The following SEMA3D variants were observed in gnomAD, a reference collection of about 807,000 sequenced individuals.
SEMA3D encodes the protein semaphorin-3D.
SEMA3D carries 84 observed loss-of-function variants against 100.1 expected under a neutral mutation model. The ratio of observed to expected loss-of-function variants is 0.84; its 90% CI spans 0.70 to 1.01. SEMA3D has a LOEUF of 1.01. Among genes scored for constraint, SEMA3D ranks in the 50% least tolerant of loss-of-function variants. The pLI is 0.00. For synonymous variants in SEMA3D, 312 were observed against 320.7 expected (o/e 0.97, Z 0.29); for missense variants, 875 against 934.1 (o/e 0.94, Z 0.82).
rs148407641 is a variant in SEMA3D, at chr7:85,022,405, A to G, written c.1400T>C (p.Met467Thr). 2 of 1,611,082 alleles carry G rather than the reference A, an allele frequency of 1.2e-6. No individual in the cohort carries two copies. Among genetic ancestry groups the G allele is most frequent in the African/African-American group, 2.7e-5 (2 of 74,774 alleles). ...VIAEDGQYDV[M>T]FLGTDIGTVL... is the part of the protein sequence containing the mutation. Reference sequence around the variant, plus strand: ...TTTTAGCTTACCTGTTCCAAGAAACATTACATCGTACTGGCCATCTTCTGC... The same window carrying G: ...TTTTAGCTTACCTGTTCCAAGAAACGTTACATCGTACTGGCCATCTTCTGC... Residue 467 changes from methionine (M) to threonine (T), a missense_variant, in exon 13 of 19, where the codon ATG becomes ACG. Met to Thr is a moderately conservative substitution (Grantham distance 81). Coordinates refer to ENST00000284136, the MANE Select transcript of SEMA3D (RefSeq NM_001384900.1).
At chr7:85,242,201 A>ATTATTTATTATTTAT in the SEMA3D span, among the ~76,000 whole-genome samples, 39 of 152,146 alleles carry the variant, frequency 2.6e-4, no homozygotes, top group Admixed American at 2.3e-3. Context: ...TTTATTATTT[A>ATTATTTATTATTTAT]TCTTCTTCGG....
chr7:85,129,921 ACT>A (rs746520011), intron 2 of SEMA3D, among the ~76,000 whole-genome samples: 5 of 152,138 alleles, frequency 3.3e-5, no homozygotes, highest in Non-Finnish European at 7.4e-5. Context: ...GAACACATGT[ACT>A]GTTAAGATCA....
the SEMA3D span, among the ~76,000 whole-genome samples, chr7:85,240,620 C>T: frequency 9.9e-5 from 15 of 152,182 alleles, no homozygotes; most frequent in Admixed American, 3.3e-4. Context: ...ATATCTGGGC[C>T]TGGTGTTTCC....
intron 18 of SEMA3D, among the ~76,000 whole-genome samples, chr7:85,004,593 C>T (rs1052838972): frequency 1.6e-4 from 24 of 152,178 alleles, no homozygotes; most frequent in African/African-American, 5.5e-4. Context: ...AGGAAATGTT[C>T]TCCTCCTGGC....
intron 1 of SEMA3D, among the ~76,000 whole-genome samples, chr7:85,168,820 T>G (rs201644332): frequency 8.3e-6 from 1 of 121,070 alleles, no homozygotes; most frequent in African/African-American, 3.0e-5. Flanking sequence ...GAAAGAAAGA[T>G]GAAAGAAAGA....
chr7:85,226,996 A>G, the SEMA3D span, among the ~76,000 whole-genome samples: 2 of 152,196 alleles, frequency 1.3e-5, no homozygotes, highest in Non-Finnish European at 2.9e-5. Flanking sequence ...GTGCTTTCAA[A>G]TAAAAATAAG....
chr7:85,103,404 T>C (rs768148509), intron 3 of SEMA3D, among the ~76,000 whole-genome samples: 1 of 152,090 alleles, frequency 6.6e-6, no homozygotes, highest in Non-Finnish European at 1.5e-5. Context: ...ATTTTTGAGA[T>C]TGTCCATAGT....
chr7:85,212,591 C>T, the SEMA3D span, among the ~76,000 whole-genome samples: 14 of 151,680 alleles, frequency 9.2e-5, no homozygotes, highest in Admixed American at 2.6e-4. Flanking sequence ...GTGTGTGTTG[C>T]GTGTTTGTAT....
the SEMA3D span, among the ~76,000 whole-genome samples, chr7:85,238,620 A>G: frequency 9.9e-5 from 15 of 152,192 alleles, no homozygotes; most frequent in Non-Finnish European, 2.1e-4. Flanking sequence ...TCTGGAAGTC[A>G]AGTAGTGTCA....
At chr7:85,027,933 CG>C in intron 12 of SEMA3D, 1 of 587,370 alleles carries the variant, frequency 1.7e-6, no homozygotes. Flanking sequence ...TCAGGGAAAC[CG>C]AACCATGCCA....
intron 2 of SEMA3D, among the ~76,000 whole-genome samples, chr7:85,138,644 ATAT>A (rs1789937551): frequency 1.8e-5 from 2 of 111,030 alleles, no homozygotes; most frequent in African/African-American, 8.8e-5. Context: ...TAAATTATAT[ATAT>A]TTAATTTAAT....
chr7:85,195,790 A>G, the SEMA3D span, among the ~76,000 whole-genome samples: 1 of 152,196 alleles, frequency 6.6e-6, no homozygotes, highest in Non-Finnish European at 1.5e-5. Flanking sequence ...GAAAACAAAC[A>G]AAGAGACTTT....
chr7:85,209,728 A>T, the SEMA3D span, among the ~76,000 whole-genome samples: 2 of 152,086 alleles, frequency 1.3e-5, no homozygotes, highest in Non-Finnish European at 2.9e-5. Flanking sequence ...AGTGCAATAC[A>T]TTAAGACATT....
the SEMA3D span, among the ~76,000 whole-genome samples, chr7:85,215,550 C>G: frequency 6.6e-6 from 1 of 152,046 alleles, no homozygotes; most frequent in African/African-American, 2.4e-5. Flanking sequence ...CCCTCACCTT[C>G]TTCTTTGAGT....
chr7:85,058,113 T>G (rs972446365), intron 8 of SEMA3D, among the ~76,000 whole-genome samples: 3 of 152,230 alleles, frequency 2.0e-5, no homozygotes, highest in African/African-American at 7.2e-5. Context: ...CTTCTCCTTA[T>G]TCTATATTAT....
chr7:85,116,145 G>T (rs1477769782), intron 3 of SEMA3D, among the ~76,000 whole-genome samples: 1 of 150,498 alleles, frequency 6.6e-6, no homozygotes, highest in African/African-American at 2.4e-5. Context: ...ATATAAACTT[G>T]TTTTCTATTA....
At chr7:85,140,055 A>G (rs1024756058) in intron 2 of SEMA3D, 30 of 488,632 alleles carry the variant, frequency 6.1e-5, no homozygotes, top group African/African-American at 8.4e-5. Flanking sequence ...ATTATTACAC[A>G]TGCTACTATT....
At chr7:85,064,288 A>C (rs565805233) in intron 8 of SEMA3D, among the ~76,000 whole-genome samples, 1 of 152,334 alleles carries the variant, frequency 6.6e-6, no homozygotes, top group South Asian at 2.1e-4. Flanking sequence ...AGTTACTCTC[A>C]AACCAAATAA....
the SEMA3D span, among the ~76,000 whole-genome samples, chr7:85,219,453 A>G: frequency 2.4e-5 from 3 of 126,546 alleles, no homozygotes; most frequent in African/African-American, 8.7e-5. Context: ...AAAATGAAAG[A>G]CATTTTTTTT....
Sources: gnomAD v4.1 joint callset for allele counts (sites outside exome capture counted in the v4.1 genomes callset) on GRCh38, gnomAD v4.1.1 for gene constraint, MANE v1.5 for transcripts, NCBI Gene and HGNC (gene_info 2026-07-23, HGNC 2026-07-21) for gene names.